Variants in PCDHGB2 observed in about 807,000 individuals in gnomAD.
PCDHGB2 encodes protocadherin gamma-B2.
Under a neutral mutation model 59.3 loss-of-function variants are expected in PCDHGB2, and 55 were observed. The ratio of observed to expected loss-of-function variants is 0.93; its 90% CI spans 0.75 to 1.16. The LOEUF (loss-of-function observed/expected upper bound fraction) is 1.16, where lower values mean the gene tolerates loss of function less well. Ranked by LOEUF, PCDHGB2 falls within the 50% of genes most tolerant of loss-of-function variation. The probability of loss-of-function intolerance (pLI) is 0.00; values close to 1 mark genes in which losing one functional copy is unlikely to be tolerated. For synonymous variants in PCDHGB2, 516 were observed against 512.0 expected, an observed-to-expected ratio of 1.01 and a Z score of -0.11; for missense variants, 1,228 against 1,198.5, an observed-to-expected ratio of 1.02 and a Z score of -0.36.
intron 1 of PCDHGB2, chr5:141,419,534 G>C: frequency 6.2e-7 from 1 of 1,612,078 alleles, no homozygotes; most frequent in African/African-American, 1.3e-5. Context: ...TAACGACAAC[G>C]CACCGCGGGT....
chr5:141,425,695 T>C (rs1329762653), intron 1 of PCDHGB2, among the ~76,000 whole-genome samples: 1 of 152,232 alleles, frequency 6.6e-6, no homozygotes, highest in Non-Finnish European at 1.5e-5. Context: ...TATCATTTCA[T>C]AGTGGTCAAA....
At position 141,485,122 on chromosome 5, in the gene PCDHGB2, G is replaced by C. The variant is rs1000179570; in HGVS notation, c.2422-9685G>C. The stretch of plus-strand genomic sequence containing the variant: ...CAGCTGCTGTGGCTGTTTGGGGCGG[G>C]TCGGCTTCATCCGCGTCTCAGGAGC... On this transcript the variant is annotated intron_variant, in intron 1 of 3. Transcript: ENST00000522605. This position sits in a 1 kb window ranked among gnomAD's most constrained non-coding sequence, Gnocchi z 5.7. The C allele has an allele frequency of 4.3e-6, 6 of 1,387,506 alleles. No individual in the cohort carries two copies. In the African/African-American group the frequency reaches 8.5e-5, roughly 20 times the overall value. The allele number at this position is 1,387,506 out of a possible 1,614,324, so 85.9% of individuals were successfully genotyped here. A position where few individuals can be genotyped will look rare whatever the true frequency, so the allele number is the denominator to read the frequency against.
At chr5:141,409,181 C>T (rs1280456560) in intron 1 of PCDHGB2, 2 of 1,613,992 alleles carry the variant, frequency 1.2e-6, no homozygotes, top group Non-Finnish European at 1.7e-6. Flanking sequence ...CGGAGGTGGT[C>T]TCTCTACCCA....
chr5:141,404,363 A>G (rs1459982001), intron 1 of PCDHGB2: 15 of 1,613,846 alleles, frequency 9.3e-6, no homozygotes, highest in African/African-American at 1.3e-5. Flanking sequence ...AGGTACTTCC[A>G]TCTTCTCCGT....
chr5:141,405,394 C>T, intron 1 of PCDHGB2: 4 of 1,593,132 alleles, frequency 2.5e-6, no homozygotes, highest in Non-Finnish European at 3.4e-6. Context: ...CATTTTTTTT[C>T]TTTCTTTCTT....
intron 1 of PCDHGB2, chr5:141,371,688 C>A (rs1234825193): frequency 6.2e-7 from 1 of 1,614,070 alleles, no homozygotes. Flanking sequence ...CAATCCACCG[C>A]TCTCCTCCAG....
At chr5:141,501,602 A>T (rs766918685) in intron 2 of PCDHGB2, among the ~76,000 whole-genome samples, 1 of 152,026 alleles carries the variant, frequency 6.6e-6, no homozygotes. Flanking sequence ...TACCAGTTCC[A>T]GCTGTGTGAC....
At chr5:141,426,621 C>G (rs984316174) in intron 1 of PCDHGB2, 1 of 392,280 alleles carries the variant, frequency 2.5e-6, no homozygotes, top group Non-Finnish European at 5.2e-6. Flanking sequence ...AGAGAATCCT[C>G]TAAATGTTTT....
Position 141,477,662 on chromosome 5 carries a change from A to G in PCDHGB2, c.2422-17145A>G. On this transcript the variant is annotated intron_variant, in intron 1 of 3. Transcript: ENST00000522605. The surrounding 1 kb of genome is among the most constrained non-coding windows in gnomAD (Gnocchi z 4.9). ...TCGCTATTTCACAATAAATCGTGAC[A>G]ATGGCATAGTGTCATCCTTAGTGCC... The G allele has an allele frequency of 6.2e-7, 1 of 1,614,222 alleles. No individual in the cohort carries two copies.
intron 1 of PCDHGB2, among the ~76,000 whole-genome samples, chr5:141,424,944 A>G (rs958272371): frequency 2.6e-5 from 4 of 152,108 alleles, no homozygotes; most frequent in African/African-American, 9.7e-5. Context: ...CTCTCACATC[A>G]CTTCTAGGTA....
At chr5:141,389,538 G>C (rs772693461) in intron 1 of PCDHGB2, 1 of 1,613,186 alleles carries the variant, frequency 6.2e-7, no homozygotes, top group African/African-American at 1.3e-5. Flanking sequence ...GTTAGTGGAC[G>C]ACCGCAACGA....
intron 1 of PCDHGB2, chr5:141,413,664 T>A: frequency 6.2e-7 from 1 of 1,613,858 alleles, no homozygotes; most frequent in Non-Finnish European, 8.5e-7. Flanking sequence ...AAGCTATTGA[T>A]CCGGATGTGG....
Position 141,486,650 on chromosome 5 carries a change from T to C in PCDHGB2, c.2422-8157T>C, listed in dbSNP as rs1321605826. On this transcript the variant is annotated intron_variant, in intron 1 of 3. Coordinates refer to ENST00000522605, the MANE Select transcript of PCDHGB2 (RefSeq NM_018923.3). The surrounding 1 kb of genome is among the most constrained non-coding windows in gnomAD (Gnocchi z 5.0). ...TGGCTTGAATGCGCTTATCTCCTAC[T>C]CACTCCTGGAGCCCAGGAATCGAGA... is the stretch of plus-strand genomic sequence containing the variant. The C allele has an allele frequency of 6.2e-7, 1 of 1,613,834 alleles. No individual in the cohort carries two copies. Among genetic ancestry groups the C allele is most frequent in the African/African-American group, 1.3e-5 (1 of 74,938 alleles).
Position 141,385,038 on chromosome 5 carries a change from G to A in PCDHGB2, c.2421+22482G>A, listed in dbSNP as rs377185831. The A allele has an allele frequency of 7.4e-6, 12 of 1,614,020 alleles. No individual in the cohort carries two copies. The African/African-American group carries it at 1.2e-4, about 16-fold the overall frequency. On this transcript the variant is annotated intron_variant, in intron 1 of 3. Transcript: ENST00000522605. ...TAGCCTTCGTCCTCGTACTGCTGGC[G>A]CTCAGGCTGCGGCGCTGGCACAAGT...
rs71576115 is a variant in PCDHGB2 at position 141,463,438 on chromosome 5, C to CTTTT, written c.2422-31344_2422-31341dup. Among the ~76,000 whole-genome samples, 106 of 103,254 alleles carry CTTTT rather than the reference C, an allele frequency of 1.0e-3. 8 individuals are homozygous for CTTTT. Among genetic ancestry groups the CTTTT allele is most frequent in the African/African-American group, 3.9e-3 (88 of 22,404 alleles). The allele number at this position is 103,254 out of a possible 152,430, so 67.7% of individuals were successfully genotyped here. ...GTTTGCGGATCCTCATTTCCTTCTC[C>CTTTT]TTTTTTTTTTTTTTTTTTTTTTTTT... is the stretch of plus-strand genomic sequence containing the variant. On this transcript the variant is annotated intron_variant, in intron 1 of 3. Transcript: ENST00000522605.
At chr5:141,402,353 GA>G (rs1261209598) in intron 1 of PCDHGB2, among the ~76,000 whole-genome samples, 2 of 151,844 alleles carry the variant, frequency 1.3e-5, no homozygotes, top group Non-Finnish European at 2.9e-5. Context: ...AATTAAAAAT[GA>G]ATGTACTTCC....
chr5:141,410,084 ACGG>A (rs748556729), intron 1 of PCDHGB2: 3 of 1,612,532 alleles, frequency 1.9e-6, no homozygotes, highest in Non-Finnish European at 2.5e-6. Context: ...GGAGGTGCGC[ACGG>A]CTCGAGCCTT....
chr5:141,410,549 G>T, intron 1 of PCDHGB2: 1 of 1,613,438 alleles, frequency 6.2e-7, no homozygotes, highest in East Asian at 2.2e-5. Context: ...GGTTTGCAGT[G>T]TTTCTCCTGG....
Position 141,431,548 on chromosome 5 carries a change from A to G in PCDHGB2, c.2422-63259A>G, listed in dbSNP as rs1357844542. 2 of 1,614,136 alleles carry G rather than the reference A, an allele frequency of 1.2e-6. No individual in the cohort carries two copies. Among genetic ancestry groups the G allele is most frequent in the Admixed American group, 1.7e-5 (1 of 60,030 alleles). On this transcript the variant is annotated intron_variant, in intron 1 of 3. Coordinates refer to ENST00000522605, the MANE Select transcript of PCDHGB2 (RefSeq NM_018923.3). This position sits in a 1 kb window ranked among gnomAD's most constrained non-coding sequence, Gnocchi z 4.8. ...TGGCCTTGGGCACGCAGCTGCTTGT[A>G]GTCAACGCTACCGACCCTGACGAAG... is the stretch of plus-strand genomic sequence containing the variant.
Sources: allele counts gnomAD v4.1 joint callset (sites outside exome capture counted in the v4.1 genomes callset), GRCh38; gene constraint gnomAD v4.1.1; non-coding constraint Gnocchi (gnomAD v3.1); transcripts MANE v1.5; gene names NCBI Gene and HGNC (gene_info 2026-07-23, HGNC 2026-07-21).